EPB41L4A: variants seen among roughly 807,000 people sequenced by gnomAD.
EPB41L4A encodes the protein erythrocyte membrane protein band 4.1 like 4A.
Under a neutral mutation model 108.6 loss-of-function variants are expected in EPB41L4A, and 100 were observed. That is an observed-to-expected ratio of 0.92 (90% CI 0.78 to 1.09). The LOEUF is 1.09. Ranked by LOEUF, EPB41L4A falls within the 50% of genes least tolerant of loss-of-function variation. The pLI is 0.00. For missense variants in EPB41L4A, 1,030 were observed against 842.7 expected (o/e 1.22, Z -2.75); for synonymous variants, 319 against 289.0 (o/e 1.10, Z -1.05).
chr5:112,203,251 G>T (rs1265894010), intron 15 of EPB41L4A, among the ~76,000 whole-genome samples: 1 of 152,044 alleles, frequency 6.6e-6, no homozygotes, highest in African/African-American at 2.4e-5. Context: ...AGCTACTCAG[G>T]GGGCTGAGGC....
chr5:112,419,138 C>T lies in EPB41L4A; in HGVS notation c.-99G>A, dbSNP rs369663074. ...CGATGCATTAATTTATTGTCCGCGC[C>T]GTGGCGAGGGTGAGACGAGCAGCTC... On this transcript the variant is annotated 5_prime_UTR_variant, in exon 1 of 23. Coordinates refer to ENST00000261486, the MANE Select transcript of EPB41L4A (RefSeq NM_022140.5). 19 of 909,856 alleles carry T rather than the reference C, an allele frequency of 2.1e-5. No homozygotes were observed. In the Admixed American group the frequency reaches 3.0e-4, roughly 15 times the overall value. 56.4% of individuals were successfully genotyped at this position (909,856 alleles called of 1,614,324 possible).
chr5:112,146,068 T>C, intron 12 of EPB41L4A: 4 of 445,782 alleles, frequency 9.0e-6, no homozygotes, highest in South Asian at 4.8e-5. Flanking sequence ...TAGGTGCTAC[T>C]GCCTCTAGGG....
chr5:112,261,450 A>G (rs1751476142), intron 7 of EPB41L4A, among the ~76,000 whole-genome samples: 1 of 152,348 alleles, frequency 6.6e-6, no homozygotes, highest in East Asian at 1.9e-4. Context: ...CATTTCCTAT[A>G]AAGAATAAAG....
chr5:112,281,143 G>C (rs1235565590), intron 2 of EPB41L4A, among the ~76,000 whole-genome samples: 1 of 152,130 alleles, frequency 6.6e-6, no homozygotes, highest in East Asian at 1.9e-4. Flanking sequence ...AGTTAATCCA[G>C]GTAAAGTCTT....
rs144094752 is a variant in EPB41L4A at position 112,229,672 on chromosome 5, T to C, written c.1087+4962A>G. Among the ~76,000 whole-genome samples the C allele has an allele frequency of 2.6e-4, 40 of 152,286 alleles. No individual in the cohort carries two copies. In the East Asian group the frequency reaches 7.3e-3, roughly 28 times the overall value. ...AGATCATATAATATTTGGTTTTCCA[T>C]TCCTGAGTTACTTCACTTAGAGTAA... On this transcript the variant is annotated intron_variant, in intron 12 of 22. Transcript: ENST00000261486.
At chr5:112,237,116 T>C (rs1749395380) in intron 11 of EPB41L4A, among the ~76,000 whole-genome samples, 1 of 152,134 alleles carries the variant, frequency 6.6e-6, no homozygotes. Flanking sequence ...CACAACTTAA[T>C]GACAGGTAAA....
At chr5:112,300,872 G>C (rs1181420642) in intron 2 of EPB41L4A, among the ~76,000 whole-genome samples, 2 of 152,008 alleles carry the variant, frequency 1.3e-5, no homozygotes, top group Non-Finnish European at 2.9e-5. Context: ...TTGTTGGACT[G>C]GGTTAATTTG....
In EPB41L4A at chr5:112,264,918, C is replaced by T. The variant is rs752147638; in HGVS notation, c.532G>A (p.Glu178Lys). 1.2e-6 allele frequency: 2 copies of T among 1,611,942 alleles called. No individual in the cohort carries two copies. Among genetic ancestry groups the T allele is most frequent in the African/African-American group, 2.7e-5 (2 of 74,840 alleles). Residue 178 changes from glutamate to lysine, a missense_variant, in exon 6 of 23, where the codon GAA becomes AAA. Coordinates refer to ENST00000261486, the MANE Select transcript of EPB41L4A (RefSeq NM_022140.5). ...TACATTAGAGTTTTATGAATCCTTT[C>T]TATGGCTTCTTCAAGTTCTTCCTTC... ...DQKEELEEAI[E>K]RIHKTLMGQI...
At chr5:112,233,440 C>G (rs1444946903) in intron 12 of EPB41L4A, among the ~76,000 whole-genome samples, 2 of 152,072 alleles carry the variant, frequency 1.3e-5, no homozygotes, top group African/African-American at 4.8e-5. Context: ...TGTATATGTC[C>G]ATAAGTATGG....
chr5:112,369,181 A>C (rs1041897135), intron 1 of EPB41L4A, among the ~76,000 whole-genome samples: 4 of 152,062 alleles, frequency 2.6e-5, no homozygotes, highest in African/African-American at 9.7e-5. Context: ...CTCATTTCCA[A>C]CATCCAGTCA....
chr5:112,333,478 G>C (rs1283999896), intron 1 of EPB41L4A, among the ~76,000 whole-genome samples: 1 of 152,190 alleles, frequency 6.6e-6, no homozygotes, highest in Non-Finnish European at 1.5e-5. Flanking sequence ...TGAATATTAA[G>C]TAAACACACA....
chr5:112,410,957 T>C (rs1284512715), intron 1 of EPB41L4A, among the ~76,000 whole-genome samples: 3 of 152,196 alleles, frequency 2.0e-5, no homozygotes, highest in African/African-American at 7.2e-5. Flanking sequence ...TGAGAGAAGC[T>C]GGGACCTTGA....
At chr5:112,230,931 AAGTC>A (rs1748872539) in intron 12 of EPB41L4A, among the ~76,000 whole-genome samples, 1 of 152,188 alleles carries the variant, frequency 6.6e-6, no homozygotes, top group African/African-American at 2.4e-5. Flanking sequence ...TCAAGAAAAA[AAGTC>A]AGGATAAAAG....
intron 12 of EPB41L4A, among the ~76,000 whole-genome samples, chr5:112,231,283 G>C (rs1269057385): frequency 6.6e-6 from 1 of 152,122 alleles, no homozygotes; most frequent in Non-Finnish European, 1.5e-5. Context: ...AGAAAAGCAA[G>C]TTGAAAACCC....
chr5:112,299,959 C>T (rs1754245338), intron 2 of EPB41L4A, among the ~76,000 whole-genome samples: 1 of 151,970 alleles, frequency 6.6e-6, no homozygotes, highest in Non-Finnish European at 1.5e-5. Flanking sequence ...TTTTGACTGA[C>T]ATATGCCTGC....
chr5:112,226,393 T>G (rs1430335271), intron 12 of EPB41L4A, among the ~76,000 whole-genome samples: 1 of 152,232 alleles, frequency 6.6e-6, no homozygotes, highest in Non-Finnish European at 1.5e-5. Context: ...TTGCTTCCCC[T>G]CTGGGAGCCC....
chr5:112,359,791 T>C (rs398855), intron 1 of EPB41L4A, among the ~76,000 whole-genome samples: 100,997 of 151,738 alleles, frequency 0.67, 33,769 homozygotes, highest in South Asian at 0.82. Context: ...CCACCCGCCT[T>C]GGCCTCCCAA....
At chr5:112,256,565 G>A (rs886342641) in intron 9 of EPB41L4A, among the ~76,000 whole-genome samples, 9 of 151,720 alleles carry the variant, frequency 5.9e-5, no homozygotes, top group African/African-American at 2.2e-4. Context: ...AGAGATAATA[G>A]AAAGAAAAGA....
Position 112,419,147 on chromosome 5 carries a change from G to T in EPB41L4A, c.-108C>A. On this transcript the variant is annotated 5_prime_UTR_variant, in exon 1 of 23. Transcript: ENST00000261486. ...AATTTATTGTCCGCGCCGTGGCGAG[G>T]GTGAGACGAGCAGCTCCCGGCGGGG... 1 of 826,520 alleles carries T rather than the reference G, an allele frequency of 1.2e-6. No homozygotes were observed. The highest frequency in any genetic ancestry group is 2.0e-6 in the Non-Finnish European group (1 of 506,228). The allele number at this position is 826,520 out of a possible 1,614,324, so 51.2% of individuals were successfully genotyped here. A position where few individuals can be genotyped will look rare whatever the true frequency, so the allele number is the denominator to read the frequency against.
Sources: allele counts gnomAD v4.1 joint callset (sites outside exome capture counted in the v4.1 genomes callset), GRCh38; gene constraint gnomAD v4.1.1; transcripts MANE v1.5; gene names NCBI Gene and HGNC (gene_info 2026-07-23, HGNC 2026-07-21).